Variants in FSTL5 observed in about 807,000 individuals in gnomAD.
FSTL5 encodes follistatin-related protein 5.
FSTL5 carries 62 observed loss-of-function variants against 89.1 expected under a neutral mutation model. The observed-to-expected ratio is 0.70, with a 90% CI of 0.57 to 0.86. The LOEUF is 0.86. FSTL5 is among the 40% of genes least tolerant of loss of function. FSTL5 has a pLI of 0.00. For missense variants in FSTL5, 1,057 were observed against 1,001.6 expected, an observed-to-expected ratio of 1.06 and a Z score of -0.75; for synonymous variants, 383 against 346.2, an observed-to-expected ratio of 1.11 and a Z score of -1.18.
intron 7 of FSTL5, among the ~76,000 whole-genome samples, chr4:161,595,919 T>A (rs1229476307): frequency 6.6e-6 from 1 of 152,056 alleles, no homozygotes; most frequent in African/African-American, 2.4e-5. Context: ...TAAATACAGT[T>A]TTCTGTATAA....
At chr4:161,786,999 C>T (rs1741928664) in intron 4 of FSTL5, among the ~76,000 whole-genome samples, 1 of 151,992 alleles carries the variant, frequency 6.6e-6, no homozygotes, top group South Asian at 2.1e-4. Context: ...CATGTTTTAA[C>T]AATAGCTTAT....
intron 10 of FSTL5, among the ~76,000 whole-genome samples, chr4:161,514,436 T>C (rs1730749296): frequency 6.6e-6 from 1 of 151,968 alleles, no homozygotes; most frequent in African/African-American, 2.4e-5. Flanking sequence ...CACATGGACA[T>C]AAAAAAGAAA....
chr4:161,996,285 G>A (rs532189957), intron 3 of FSTL5, among the ~76,000 whole-genome samples: 30 of 152,298 alleles, frequency 2.0e-4, no homozygotes, highest in Admixed American at 1.0e-3. Flanking sequence ...AACAAAGGTT[G>A]CTCACCAGTG....
At chr4:162,115,688 A>G (rs1243434154) in intron 1 of FSTL5, among the ~76,000 whole-genome samples, 1 of 152,188 alleles carries the variant, frequency 6.6e-6, no homozygotes, top group Non-Finnish European at 1.5e-5. Flanking sequence ...GTATCTGCCT[A>G]ACTTCAGATC....
chr4:161,419,895 C>T (rs781537403), intron 15 of FSTL5, among the ~76,000 whole-genome samples: 7 of 152,184 alleles, frequency 4.6e-5, no homozygotes, highest in Non-Finnish European at 7.3e-5. Context: ...CCAGAAGACA[C>T]AATAACCATT....
intron 4 of FSTL5, among the ~76,000 whole-genome samples, chr4:161,813,031 T>C (rs964953552): frequency 4.1e-5 from 5 of 123,228 alleles, no homozygotes; most frequent in South Asian, 2.4e-4. Context: ...GAAAGATCCC[T>C]TTTTTTTTTT....
chr4:161,821,960 T>C lies in FSTL5; in HGVS notation c.410-45886A>G, dbSNP rs894161478. On this transcript the variant is annotated intron_variant, in intron 4 of 15. Transcript: ENST00000306100. ...TGGGTAGGTACCCAGCAGTGAAGGA[T>C]TGCTGGATCAAATGGTAGTTCTGCT... Among the ~76,000 whole-genome samples the C allele has an allele frequency of 4.6e-5, 7 of 152,288 alleles. 1 individual carries two copies. The Middle Eastern group carries it at 0.02, about 444-fold the overall frequency.
intron 4 of FSTL5, among the ~76,000 whole-genome samples, chr4:161,884,884 T>C (rs1174858112): frequency 1.3e-5 from 2 of 152,156 alleles, no homozygotes; most frequent in Non-Finnish European, 2.9e-5. Context: ...CAATTGAAAA[T>C]TGAGAAATAT....
chr4:161,836,526 G>A (rs1018360848), intron 4 of FSTL5, among the ~76,000 whole-genome samples: 4 of 151,926 alleles, frequency 2.6e-5, no homozygotes, highest in Non-Finnish European at 5.9e-5. Flanking sequence ...ACACAGTGCA[G>A]CATCCCTCAG....
At chr4:162,151,745 CA>C (rs1463224604) in intron 1 of FSTL5, among the ~76,000 whole-genome samples, 4 of 152,126 alleles carry the variant, frequency 2.6e-5, no homozygotes, top group African/African-American at 9.7e-5. Flanking sequence ...TAGGACACAG[CA>C]ATTTCAAGAG....
At chr4:161,931,188 GAGA>G (rs1160509560) in intron 3 of FSTL5, among the ~76,000 whole-genome samples, 3 of 151,878 alleles carry the variant, frequency 2.0e-5, no homozygotes, top group African/African-American at 7.2e-5. Context: ...GAGAATTAGG[GAGA>G]AGATGATAAT....
At chr4:162,060,541 C>T (rs1237609286) in intron 2 of FSTL5, among the ~76,000 whole-genome samples, 2 of 151,838 alleles carry the variant, frequency 1.3e-5, no homozygotes, top group Non-Finnish European at 2.9e-5. Context: ...AATATTGTTC[C>T]TATATAGTAT....
Position 161,555,277 on chromosome 4 carries a change from C to T in FSTL5, c.1016-12584G>A, listed in dbSNP as rs140271687. On this transcript the variant is annotated intron_variant, in intron 8 of 15. Coordinates refer to ENST00000306100, the MANE Select transcript of FSTL5 (RefSeq NM_020116.5). ...GTCTACTAATATTTAAAGTTAGTGG[C>T]CTTTTTAATCCTCAATTTCAAAGTC... is the stretch of plus-strand genomic sequence containing the variant. Among the ~76,000 whole-genome samples the T allele has an allele frequency of 3.4e-4, 51 of 151,496 alleles. 1 individual carries two copies. The East Asian group carries it at 6.1e-3, about 18-fold the overall frequency.
intron 13 of FSTL5, among the ~76,000 whole-genome samples, chr4:161,464,999 C>T (rs1377403345): frequency 6.6e-6 from 1 of 152,064 alleles, no homozygotes; most frequent in African/African-American, 2.4e-5. Context: ...CTATTGTCAT[C>T]TCTTTTATAG....
chr4:162,097,888 T>C (rs1602665), intron 2 of FSTL5, among the ~76,000 whole-genome samples: 33,981 of 151,794 alleles, frequency 0.22, 4,431 homozygotes, highest in East Asian at 0.4. Flanking sequence ...TGTACATCTA[T>C]AGAAAAAGGT....
rs181173015 is a variant in FSTL5 at position 161,898,184 on chromosome 4, T to C, written c.409+22220A>G. Among the ~76,000 whole-genome samples, 19 of 149,132 alleles carry C rather than the reference T, an allele frequency of 1.3e-4. No homozygotes were observed. In the East Asian group the frequency reaches 3.7e-3, roughly 29 times the overall value. ...GTATATTGATGTGTATATATAAATA[T>C]ATTTTAAAATACTAATTTATCACAC... is the stretch of plus-strand genomic sequence containing the variant. On this transcript the variant is annotated intron_variant, in intron 4 of 15. Coordinates refer to ENST00000306100, the MANE Select transcript of FSTL5 (RefSeq NM_020116.5).
intron 7 of FSTL5, among the ~76,000 whole-genome samples, chr4:161,597,821 T>C (rs183960082): frequency 2.6e-4 from 40 of 152,078 alleles, no homozygotes; most frequent in Middle Eastern, 3.4e-3. Flanking sequence ...CAAATTCTAG[T>C]GTGGAGAAGG....
chr4:162,117,714 G>A (rs1731696426), intron 1 of FSTL5, among the ~76,000 whole-genome samples: 1 of 152,154 alleles, frequency 6.6e-6, no homozygotes. Context: ...ATTGCTACCT[G>A]GCTATTGGCT....
intron 13 of FSTL5, among the ~76,000 whole-genome samples, chr4:161,467,658 T>G (rs1733792176): frequency 6.6e-6 from 1 of 152,132 alleles, no homozygotes; most frequent in Non-Finnish European, 1.5e-5. Context: ...AGCTTATTCA[T>G]AATTCAACTT....
Sources: allele counts gnomAD v4.1 joint callset (sites outside exome capture counted in the v4.1 genomes callset), GRCh38; gene constraint gnomAD v4.1.1; transcripts MANE v1.5; gene names NCBI Gene and HGNC (gene_info 2026-07-23, HGNC 2026-07-21).